Variants in SEL1L3 observed in about 807,000 individuals in gnomAD.
SEL1L3 encodes SEL1L family member 3.
A neutral mutation model predicts 142.8 loss-of-function variants in SEL1L3; 76 were observed. That is an observed-to-expected ratio of 0.53 (90% CI 0.44 to 0.64). SEL1L3 has a LOEUF of 0.64. SEL1L3 is among the 30% of genes least tolerant of loss of function. The pLI is 0.00. For synonymous variants in SEL1L3, 504 were observed against 519.6 expected (o/e 0.97, Z 0.41); for missense variants, 1,262 against 1,381.7 (o/e 0.91, Z 1.37).
At chr4:25,757,990 A>G in intron 21 of SEL1L3, 200 bp from the exon 22 acceptor site, 1 of 587,386 alleles carries the variant, frequency 1.7e-6, no homozygotes, top group South Asian at 2.1e-5. Context: ...CTAGAATCCC[A>G]GTAGAAATTT....
intron 23 of SEL1L3, among the ~76,000 whole-genome samples, chr4:25,753,740 T>C (rs1455375834): frequency 6.6e-6 from 1 of 152,206 alleles, no homozygotes; most frequent in Non-Finnish European, 1.5e-5. Flanking sequence ...TCCCAGCACT[T>C]TGGGAGTCCA....
chr4:25,809,028 G>A (rs536032234), intron 9 of SEL1L3, among the ~76,000 whole-genome samples: 96 of 142,984 alleles, frequency 6.7e-4, no homozygotes, highest in African/African-American at 1.9e-3. Context: ...AGCCGAGATC[G>A]CGCCACTGCA....
chr4:25,777,045 A>G lies in SEL1L3; in HGVS notation c.2586-685T>C, dbSNP rs116658650. ...TTAAAAATACAAAAAATAAAAATAC[A>G]AAATTTTAAAAATTAAAAAATACAA... On this transcript the variant is annotated intron_variant, in intron 16 of 23. Transcript: ENST00000399878. Among the ~76,000 whole-genome samples, 1,318 of 152,148 alleles carry G rather than the reference A, an allele frequency of 8.7e-3. 20 individuals are homozygous for G. The highest frequency in any genetic ancestry group is 0.03 in the African/African-American group (1,266 of 41,544).
At chr4:25,860,762 C>G (rs904952563) in intron 1 of SEL1L3, 1 of 152,272 alleles carries the variant, frequency 6.6e-6, no homozygotes, top group East Asian at 1.9e-4. Flanking sequence ...CATTCCTTCC[C>G]CATCTGCCAA....
At chr4:25,828,794 G>C (rs1577667546) in intron 6 of SEL1L3, among the ~76,000 whole-genome samples, 1 of 152,212 alleles carries the variant, frequency 6.6e-6, no homozygotes, top group East Asian at 1.9e-4. Flanking sequence ...AGAGAATTTG[G>C]GTTGTGCGGG....
At chr4:25,805,371 G>A (rs1022162960) in intron 9 of SEL1L3, among the ~76,000 whole-genome samples, 1 of 152,024 alleles carries the variant, frequency 6.6e-6, no homozygotes, top group Non-Finnish European at 1.5e-5. Flanking sequence ...TTTTTTACAC[G>A]AAGAGACTGA....
At chr4:25,757,341 C>T (rs1456942161) in intron 23 of SEL1L3, among the ~76,000 whole-genome samples, 193 bp downstream of exon 23, 4 of 151,282 alleles carry the variant, frequency 2.6e-5, no homozygotes, top group South Asian at 2.1e-4. Context: ...GGCCTCCCAC[C>T]GGCCAGGAAT....
At chr4:25,782,467 G>T in intron 14 of SEL1L3, 49 bp from the exon 15 acceptor site, 1 of 1,517,840 alleles carries the variant, frequency 6.6e-7, no homozygotes, top group South Asian at 1.2e-5. Flanking sequence ...ATGAAATCTA[G>T]AGAGCTCTGG....
chr4:25,850,010 C>T (rs771646846), intron 1 of SEL1L3, among the ~76,000 whole-genome samples: 1 of 152,084 alleles, frequency 6.6e-6, no homozygotes, highest in Admixed American at 6.6e-5. Context: ...AAGTTCTTCA[C>T]GTAGAGACAC....
At chr4:25,863,414 A>T (rs1429679142), upstream of SEL1L3, 1 of 688,788 alleles carries the variant, frequency 1.5e-6, no homozygotes, top group Admixed American at 2.1e-5. Context: ...TCGCTTCCGC[A>T]TTCTTCCTCT....
At chr4:25,796,654 C>T (rs1394448963) in intron 11 of SEL1L3, among the ~76,000 whole-genome samples, 1 of 151,806 alleles carries the variant, frequency 6.6e-6, no homozygotes, top group Non-Finnish European at 1.5e-5. Context: ...ATTAGCCAGG[C>T]ATGGTGGCTC....
intron 6 of SEL1L3, among the ~76,000 whole-genome samples, chr4:25,822,678 C>T (rs990122547): frequency 6.6e-5 from 10 of 152,136 alleles, no homozygotes; most frequent in African/African-American, 1.7e-4. Context: ...AGGCCACAGC[C>T]AGGTCAGAGG....
chr4:25,739,292 G>A, the SEL1L3 span, among the ~76,000 whole-genome samples: 76 of 152,276 alleles, frequency 5.0e-4, 2 homozygotes, highest in South Asian at 6.2e-3. Context: ...GGTGCTACTG[G>A]TATCAGGTAG....
At chr4:25,765,994 T>G (rs1477360043) in intron 19 of SEL1L3, among the ~76,000 whole-genome samples, 8 of 152,204 alleles carry the variant, frequency 5.3e-5, no homozygotes, top group Admixed American at 4.6e-4. Flanking sequence ...AATCTCAGTC[T>G]ACAACCTTGC....
chr4:25,719,001 AC>A, the SEL1L3 span: 1 of 151,784 alleles, frequency 6.6e-6, no homozygotes, highest in African/African-American at 2.4e-5. Flanking sequence ...ACATGAAGAA[AC>A]CCCGTCTCTA....
At chr4:25,823,420 A>G (rs1304454368) in intron 6 of SEL1L3, among the ~76,000 whole-genome samples, 1 of 152,178 alleles carries the variant, frequency 6.6e-6, no homozygotes, top group African/African-American at 2.4e-5. Flanking sequence ...GGGCTAATAC[A>G]GGAGAATTGC....
chr4:25,752,125 T>C (rs1388808653), intron 23 of SEL1L3, among the ~76,000 whole-genome samples: 2 of 82,328 alleles, frequency 2.4e-5, no homozygotes, highest in Non-Finnish European at 4.8e-5. Context: ...AAAAAAAAAA[T>C]AGTTGAATGG....
the SEL1L3 span, among the ~76,000 whole-genome samples, chr4:25,737,935 G>C: frequency 6.6e-6 from 1 of 152,064 alleles, no homozygotes. Flanking sequence ...TGTCAACCAG[G>C]CTGGAGTGCA....
the SEL1L3 span, among the ~76,000 whole-genome samples, chr4:25,731,430 A>T: frequency 0.033 from 4,970 of 152,264 alleles, 271 homozygotes; most frequent in African/African-American, 0.11. Flanking sequence ...TAAAATCCTC[A>T]CCACAATCAA....
Sources: allele counts gnomAD v4.1 joint callset (sites outside exome capture counted in the v4.1 genomes callset), GRCh38; gene constraint gnomAD v4.1.1; transcripts MANE v1.5; gene names NCBI Gene and HGNC (gene_info 2026-07-23, HGNC 2026-07-21).